The following ARHGAP22 variants were observed in gnomAD, a reference collection of about 807,000 sequenced individuals.
ARHGAP22 encodes the protein Rho GTPase activating protein 22.
In ARHGAP22, 48 loss-of-function variants were observed where a neutral mutation model predicts 59.1. The observed-to-expected ratio is 0.81, with a 90% CI of 0.64 to 1.03. The LOEUF (loss-of-function observed/expected upper bound fraction) is 1.03. ARHGAP22 is among the 50% of genes least tolerant of loss of function. The pLI is 0.00. For missense variants in ARHGAP22, 1,015 were observed against 958.7 expected, an observed-to-expected ratio of 1.06 and a Z score of -0.78; for synonymous variants, 445 against 416.4, an observed-to-expected ratio of 1.07 and a Z score of -0.84.
upstream of ARHGAP22, among the ~76,000 whole-genome samples, chr10:48,655,241 ATGTGTGTG>A (rs71465467): frequency 0.012 from 372 of 29,886 alleles, 18 homozygotes; most frequent in East Asian, 0.089. Context: ...TGGAGAGTGG[ATGTGTGTG>A]TGTGTGTGGG....
intron 3 of ARHGAP22, among the ~76,000 whole-genome samples, chr10:48,500,781 C>T (rs535997663): frequency 7.2e-5 from 11 of 151,736 alleles, no homozygotes; most frequent in African/African-American, 2.7e-4. Flanking sequence ...GTCCTAGCTA[C>T]TCGGGAGGCT....
chr10:48,550,694 A>G (rs2135257469), intron 3 of ARHGAP22, among the ~76,000 whole-genome samples: 1 of 152,366 alleles, frequency 6.6e-6, no homozygotes, highest in East Asian at 1.9e-4. Flanking sequence ...TTTATATGAA[A>G]GACAAATACA....
rs2059669528 is a variant in ARHGAP22, at chr10:48,590,253, A to AG, written c.35-7102dup. On this transcript the variant is annotated intron_variant, in intron 1 of 9. Transcript: ENST00000249601. ...GCAGGGTGCCCCTTGCTAGAACGGGAGGGACCCGAGCCGGTTTAAGTGCAT... is the reference window on the plus strand; with the variant it reads ...GCAGGGTGCCCCTTGCTAGAACGGGAGGGGACCCGAGCCGGTTTAAGTGCAT... Among the ~76,000 whole-genome samples the AG allele has an allele frequency of 3.3e-5, 5 of 151,738 alleles. 1 individual carries two copies. The highest frequency in any genetic ancestry group is 7.4e-5 in the Non-Finnish European group (5 of 67,956).
intron 2 of ARHGAP22, among the ~76,000 whole-genome samples, chr10:48,566,779 T>G (rs2058070265): frequency 6.6e-6 from 1 of 152,226 alleles, no homozygotes; most frequent in Admixed American, 6.5e-5. Context: ...GTCAGCACCA[T>G]GTTCTGCAGA....
At chr10:48,510,364 G>A (rs922643398) in intron 3 of ARHGAP22, among the ~76,000 whole-genome samples, 4 of 152,248 alleles carry the variant, frequency 2.6e-5, no homozygotes, top group African/African-American at 9.6e-5. Flanking sequence ...TGGGGCCTGC[G>A]GCAAAGTAGA....
downstream of ARHGAP22, chr10:48,444,606 C>T (rs543267040): frequency 2.0e-5 from 3 of 152,328 alleles, no homozygotes; most frequent in East Asian, 1.9e-4. Context: ...AGCTTCCTTT[C>T]ATCATGGGAA....
chr10:48,502,285 G>T (rs570614513), intron 3 of ARHGAP22, among the ~76,000 whole-genome samples: 1 of 152,120 alleles, frequency 6.6e-6, no homozygotes. Flanking sequence ...AGTACCTCGT[G>T]GGGGAAGGAG....
chr10:48,505,770 TG>T (rs1187005867), intron 3 of ARHGAP22, among the ~76,000 whole-genome samples: 2 of 152,150 alleles, frequency 1.3e-5, no homozygotes, highest in East Asian at 3.9e-4. Context: ...GGCTGCCTGG[TG>T]GAGGCATGCT....
chr10:48,486,487 C>T lies in ARHGAP22; in HGVS notation c.323-6723G>A, dbSNP rs1371860398. ...TCTTGAGTAGCTGGGATTACAGGCA[C>T]GCACACCACGCCAGGTTAATTTTTG... On this transcript the variant is annotated intron_variant, in intron 3 of 9. Transcript: ENST00000249601. Among the ~76,000 whole-genome samples the T allele has an allele frequency of 6.6e-5, 10 of 151,992 alleles. No homozygotes were observed. In the East Asian group the frequency reaches 9.6e-4, roughly 15 times the overall value.
intron 3 of ARHGAP22, among the ~76,000 whole-genome samples, chr10:48,552,883 A>G (rs2057009597): frequency 6.6e-6 from 1 of 152,226 alleles, no homozygotes; most frequent in South Asian, 2.1e-4. Context: ...TGTAACAGGA[A>G]GCCCACCCTT....
intron 1 of ARHGAP22, among the ~76,000 whole-genome samples, chr10:48,615,704 T>C (rs997903319): frequency 6.6e-6 from 1 of 152,164 alleles, no homozygotes; most frequent in African/African-American, 2.4e-5. Context: ...CTATTTAAAA[T>C]ATATTTAAAG....
intron 5 of ARHGAP22, among the ~76,000 whole-genome samples, chr10:48,457,850 G>C (rs1012890398): frequency 4.0e-5 from 6 of 151,626 alleles, no homozygotes; most frequent in Non-Finnish European, 8.8e-5. Flanking sequence ...AGGCAGGCAG[G>C]CTATGGCCTT....
chr10:48,572,866 G>A (rs766147429), intron 2 of ARHGAP22, among the ~76,000 whole-genome samples: 26 of 152,166 alleles, frequency 1.7e-4, no homozygotes, highest in Non-Finnish European at 3.4e-4. Flanking sequence ...CATCACTTCT[G>A]TCTTATTCTG....
chr10:48,556,351 G>GT (rs1182752987), intron 2 of ARHGAP22, among the ~76,000 whole-genome samples: 1 of 152,160 alleles, frequency 6.6e-6, no homozygotes, highest in Non-Finnish European at 1.5e-5. Flanking sequence ...AGAATGAGGT[G>GT]TTATAACCGC....
At chr10:48,546,881 C>G (rs778613711) in intron 3 of ARHGAP22, among the ~76,000 whole-genome samples, 9 of 152,144 alleles carry the variant, frequency 5.9e-5, no homozygotes, top group Non-Finnish European at 8.8e-5. Flanking sequence ...TACTATGAGC[C>G]AGGATCTGGG....
intron 2 of ARHGAP22, 110 bp from the exon 3 acceptor site, chr10:48,555,660 T>C (rs895958770): frequency 1.2e-5 from 12 of 1,033,490 alleles, no homozygotes; most frequent in African/African-American, 7.9e-5. Context: ...CTCCAGGCCA[T>C]GGCTGGGAAG....
At chr10:48,476,757 T>C (rs1589622929) in intron 4 of ARHGAP22, among the ~76,000 whole-genome samples, 1 of 152,220 alleles carries the variant, frequency 6.6e-6, no homozygotes, top group Admixed American at 6.5e-5. Context: ...CTGCCAAAGA[T>C]CCCCAATTCT....
At chr10:48,554,571 C>T (rs2057154987) in intron 3 of ARHGAP22, among the ~76,000 whole-genome samples, 1 of 152,178 alleles carries the variant, frequency 6.6e-6, no homozygotes, top group Admixed American at 6.5e-5. Flanking sequence ...CTGCAACTGT[C>T]CCTGAAGGCT....
chr10:48,508,342 G>A (rs1007909776), intron 3 of ARHGAP22, among the ~76,000 whole-genome samples: 2 of 152,238 alleles, frequency 1.3e-5, no homozygotes, highest in African/African-American at 4.8e-5. Context: ...ACCTGCTGAC[G>A]ACAAGTGGCT....
Sources: allele counts gnomAD v4.1 joint callset (sites outside exome capture counted in the v4.1 genomes callset), GRCh38; gene constraint gnomAD v4.1.1; transcripts MANE v1.5; gene names NCBI Gene and HGNC (gene_info 2026-07-23, HGNC 2026-07-21).